Variants in XPR1 observed in about 807,000 individuals in gnomAD.
XPR1 encodes solute carrier family 53 member 1.
XPR1 carries 28 observed loss-of-function variants against 87.5 expected under a neutral mutation model. That is an observed-to-expected ratio of 0.32 (90% CI 0.24 to 0.44). XPR1 has a LOEUF of 0.44. Ranked by LOEUF, XPR1 falls within the 20% of genes least tolerant of loss-of-function variation. The pLI is 1.00. For synonymous variants in XPR1, 300 were observed against 306.1 expected (o/e 0.98, Z 0.21); for missense variants, 559 against 862.3 (o/e 0.65, Z 4.41).
At chr1:180,715,577 T>C (rs1657961744) in intron 2 of XPR1, among the ~76,000 whole-genome samples, 1 of 152,208 alleles carries the variant, frequency 6.6e-6, no homozygotes, top group Admixed American at 6.5e-5. Context: ...CAAAATATAG[T>C]TCAGAAGAAG....
At chr1:180,845,745 ACT>A (rs1242007766) in intron 11 of XPR1, among the ~76,000 whole-genome samples, 2 of 64,962 alleles carry the variant, frequency 3.1e-5, no homozygotes, top group African/African-American at 1.3e-4. Flanking sequence ...CTAGTCTCAA[ACT>A]CAGTCTTCCA....
intron 3 of XPR1, among the ~76,000 whole-genome samples, chr1:180,798,007 G>A (rs1649647155): frequency 6.6e-6 from 1 of 152,100 alleles, no homozygotes; most frequent in South Asian, 2.1e-4. Context: ...GGAGCCCTGA[G>A]ATTCATTTTC....
At chr1:180,755,379 G>A (rs1647692237) in intron 2 of XPR1, among the ~76,000 whole-genome samples, 1 of 152,208 alleles carries the variant, frequency 6.6e-6, no homozygotes, top group Non-Finnish European at 1.5e-5. Context: ...GCATGATTTT[G>A]TGTTTGAGAA....
intron 1 of XPR1, among the ~76,000 whole-genome samples, chr1:180,680,037 CA>C (rs546812969): frequency 1.3e-5 from 2 of 150,318 alleles, no homozygotes; most frequent in Non-Finnish European, 3.0e-5. Context: ...ATCTTAACAG[CA>C]AAAAAAAATT....
At chr1:180,774,158 A>G (rs1009888524) in intron 2 of XPR1, among the ~76,000 whole-genome samples, 13 of 152,162 alleles carry the variant, frequency 8.5e-5, no homozygotes, top group African/African-American at 2.9e-4. Context: ...ATGTCCCAGA[A>G]TATAGAGGAA....
rs1031994883 is a variant in XPR1 at position 180,884,172 on chromosome 1, A to G, written c.*106A>G. On this transcript the variant is annotated 3_prime_UTR_variant, in exon 15 of 15. Transcript: ENST00000367590. ...TCCAGCCGAAAACAGGAGAAAACAC[A>G]TAACACATTTTCCGAGCTCTTCCGG... is the stretch of plus-strand genomic sequence containing the variant. 10 of 934,452 alleles carry G rather than the reference A, an allele frequency of 1.1e-5. No homozygotes were observed. The highest frequency in any genetic ancestry group is 2.7e-5 in the East Asian group (1 of 36,450). The allele number at this position is 934,452 out of a possible 1,614,324, so 57.9% of individuals were successfully genotyped here.
rs3856061 is a variant in XPR1 at position 180,884,931 on chromosome 1, A to C, written c.*865A>C. On this transcript the variant is annotated 3_prime_UTR_variant, in exon 15 of 15. Transcript: ENST00000367590. Reference sequence around the variant, plus strand: ...CTTTAGAGTCCTGAGCATATCTCTCATAACAAGGAATCCCACACTTCACAC... The same window carrying C: ...CTTTAGAGTCCTGAGCATATCTCTCCTAACAAGGAATCCCACACTTCACAC... 1.3e-5 allele frequency: 2 copies of C among 152,290 alleles called. No homozygotes were observed. The highest frequency in any genetic ancestry group is 4.8e-5 in the African/African-American group (2 of 41,438). The allele number at this position is 152,290 out of a possible 1,614,324, so 9.4% of individuals were successfully genotyped here. A position where few individuals can be genotyped will look rare whatever the true frequency, so the allele number is the denominator to read the frequency against.
At chr1:180,744,646 A>ATTTTTTTTTTTTTTTTT (rs1295757177) in intron 2 of XPR1, among the ~76,000 whole-genome samples, 1 of 48,198 alleles carries the variant, frequency 2.1e-5, no homozygotes, top group African/African-American at 9.2e-5. Context: ...TTTAGGCACA[A>ATTTTTTTTTTTTTTTTT]TTTCTTTCTT....
intron 2 of XPR1, among the ~76,000 whole-genome samples, chr1:180,691,446 A>C (rs1005977337): frequency 1.3e-5 from 2 of 152,078 alleles, no homozygotes. Context: ...ATTCCTTTTG[A>C]TGGAGAGTGT....
chr1:180,780,467 T>C (rs1648890145), intron 2 of XPR1, among the ~76,000 whole-genome samples: 1 of 152,232 alleles, frequency 6.6e-6, no homozygotes, highest in African/African-American at 2.4e-5. Flanking sequence ...TGGAGAAATG[T>C]CTATTCAGAT....
intron 6 of XPR1, among the ~76,000 whole-genome samples, chr1:180,811,168 A>G (rs1341993115): frequency 6.6e-6 from 1 of 152,156 alleles, no homozygotes; most frequent in Non-Finnish European, 1.5e-5. Context: ...GCCTAAGATT[A>G]TAATCTTGCT....
intron 2 of XPR1, among the ~76,000 whole-genome samples, chr1:180,743,526 G>A (rs1658988423): frequency 6.6e-6 from 1 of 151,998 alleles, no homozygotes; most frequent in Admixed American, 6.5e-5. Flanking sequence ...AGATTTTATA[G>A]AACTCAAGAA....
chr1:180,803,452 T>C lies in XPR1; in HGVS notation c.288T>C (p.Asp96=). The C allele has an allele frequency of 6.2e-7, 1 of 1,614,098 alleles. No individual in the cohort carries two copies. The highest frequency in any genetic ancestry group is 8.5e-7 in the Non-Finnish European group (1 of 1,180,002). The change falls in exon 4 of 15, where the codon GAT becomes GAC. Residue 96 remains aspartate, a synonymous_variant. Transcript: ENST00000367590. ...TLQNELQSSL[D]AQKESTGVTT... ...AGAATGAGCTTCAGTCATCACTGGA[T>C]GCACAGAAAGAAAGCACTGGTGTTA...
At chr1:180,748,578 C>T (rs1251066534) in intron 2 of XPR1, among the ~76,000 whole-genome samples, 1 of 151,504 alleles carries the variant, frequency 6.6e-6, no homozygotes, top group African/African-American at 2.4e-5. Flanking sequence ...GCCACCACGC[C>T]CGGCTAATTT....
chr1:180,759,169 G>C (rs958943615), intron 2 of XPR1, among the ~76,000 whole-genome samples: 5 of 152,122 alleles, frequency 3.3e-5, no homozygotes, highest in Non-Finnish European at 7.4e-5. Flanking sequence ...AAGCAGGAAA[G>C]ATCTAAAATT....
At chr1:180,842,175 A>ACT (rs1300486621) in intron 11 of XPR1, among the ~76,000 whole-genome samples, 3 of 152,230 alleles carry the variant, frequency 2.0e-5, no homozygotes, top group African/African-American at 7.2e-5. Flanking sequence ...GGCAAGGAGT[A>ACT]AAAGACAGTG....
chr1:180,805,983 C>T, intron 4 of XPR1, 79 bp from the exon 5 acceptor site: 1 of 1,458,286 alleles, frequency 6.9e-7, no homozygotes, highest in Admixed American at 2.2e-5. Context: ...CCAGCTCTGT[C>T]AGTGCTTAGT....
chr1:180,815,909 T>C (rs886817854), intron 7 of XPR1, among the ~76,000 whole-genome samples: 1 of 152,188 alleles, frequency 6.6e-6, no homozygotes, highest in African/African-American at 2.4e-5. Context: ...TTCTAGAAAT[T>C]TATCCTACAA....
rs768811364 is a variant in XPR1, at chr1:180,632,174, C to T, written c.-28C>T. On this transcript the variant is annotated 5_prime_UTR_variant, in exon 1 of 15. It introduces an in-frame stop codon into an upstream open reading frame of the 5' UTR. Transcript: ENST00000367590. ...CGCCGCCGCCTGTAGCTGCTGGACCCGAGTGGGAGTGAGGGGGAAACGGCA... is the reference window on the plus strand; with the variant it reads ...CGCCGCCGCCTGTAGCTGCTGGACCTGAGTGGGAGTGAGGGGGAAACGGCA... The T allele has an allele frequency of 2.5e-6, 4 of 1,595,942 alleles. No individual in the cohort carries two copies. The highest frequency in any genetic ancestry group is 1.7e-5 in the Admixed American group (1 of 57,474).
Sources: allele counts gnomAD v4.1 joint callset (sites outside exome capture counted in the v4.1 genomes callset), GRCh38; gene constraint gnomAD v4.1.1; transcripts MANE v1.5; gene names NCBI Gene and HGNC (gene_info 2026-07-23, HGNC 2026-07-21).